The following HNF4G variants were observed in gnomAD, a reference collection of about 807,000 sequenced individuals.
The protein encoded by HNF4G is hepatocyte nuclear factor 4-gamma.
Under a neutral mutation model 50.9 loss-of-function variants are expected in HNF4G, and 21 were observed. The ratio of observed to expected loss-of-function variants is 0.41; its 90% CI spans 0.29 to 0.59. The LOEUF is 0.59. Among genes scored for constraint, HNF4G ranks in the 20% least tolerant of loss-of-function variants. The pLI, the probability that HNF4G is intolerant of heterozygous loss-of-function variation, is 0.26. For synonymous variants in HNF4G, 198 were observed against 185.6 expected, an observed-to-expected ratio of 1.07 and a Z score of -0.54; for missense variants, 527 against 559.4, an observed-to-expected ratio of 0.94 and a Z score of 0.58.
At chr8:75,435,557 A>G (rs1010549873) in intron 1 of HNF4G, among the ~76,000 whole-genome samples, 1 of 152,168 alleles carries the variant, frequency 6.6e-6, no homozygotes, top group Non-Finnish European at 1.5e-5. Context: ...GCAAGAGAAA[A>G]AGCAACAAGT....
chr8:75,469,342 G>T (rs1276384433), intron 1 of HNF4G, among the ~76,000 whole-genome samples: 1 of 152,112 alleles, frequency 6.6e-6, no homozygotes, highest in Non-Finnish European at 1.5e-5. Context: ...AGGGTGTGGA[G>T]GTATAATCCT....
At chr8:75,452,978 A>G (rs765177464) in intron 1 of HNF4G, among the ~76,000 whole-genome samples, 1 of 152,236 alleles carries the variant, frequency 6.6e-6, no homozygotes, top group Non-Finnish European at 1.5e-5. Flanking sequence ...ATTAATGAGG[A>G]AATGAATGAT....
At chr8:75,525,798 A>G (rs1444280438) in intron 2 of HNF4G, among the ~76,000 whole-genome samples, 2 of 152,206 alleles carry the variant, frequency 1.3e-5, no homozygotes, top group East Asian at 3.9e-4. Context: ...CATATTTCTA[A>G]ATAGTAATGG....
chr8:75,453,256 C>T (rs151222617), intron 1 of HNF4G, among the ~76,000 whole-genome samples: 7,655 of 152,202 alleles, frequency 0.05, 267 homozygotes, highest in Non-Finnish European at 0.072. Flanking sequence ...ACTTGGAGAA[C>T]TTTTCTGTCT....
chr8:75,529,699 C>G (rs1201644510), intron 2 of HNF4G, among the ~76,000 whole-genome samples: 1 of 152,058 alleles, frequency 6.6e-6, no homozygotes, highest in Non-Finnish European at 1.5e-5. Context: ...TGAGAGAGAA[C>G]TATGGGGAAG....
rs1810962960 is a variant in HNF4G at position 75,429,727 on chromosome 8, G to A, written c.-144+21565G>A. On this transcript the variant is annotated intron_variant, in intron 1 of 10. Transcript: ENST00000354370. ...GCAGAAAGGCCGATCAGGTCCAAAA[G>A]TCTGAGTTGAAGAAAGAAGGCTAGA... is the stretch of plus-strand genomic sequence containing the variant. Among the ~76,000 whole-genome samples the A allele has an allele frequency of 5.3e-5, 8 of 152,148 alleles. No homozygotes were observed. The South Asian group carries it at 1.7e-3, about 32-fold the overall frequency.
At chr8:75,416,618 A>G (rs1473682755) in intron 1 of HNF4G, among the ~76,000 whole-genome samples, 3 of 152,196 alleles carry the variant, frequency 2.0e-5, no homozygotes, top group Non-Finnish European at 4.4e-5. Context: ...CATACACATT[A>G]CTGTATGTTA....
intron 5 of HNF4G, among the ~76,000 whole-genome samples, chr8:75,555,674 C>T (rs898289804): frequency 6.6e-6 from 1 of 150,904 alleles, no homozygotes. Flanking sequence ...AGTGGCCGTG[C>T]TGGGATTTGA....
intron 1 of HNF4G, among the ~76,000 whole-genome samples, chr8:75,467,390 G>A (rs993941814): frequency 1.3e-5 from 2 of 152,264 alleles, no homozygotes; most frequent in South Asian, 2.1e-4. Context: ...GGCTGAGTGC[G>A]GTGGCTCATG....
At chr8:75,550,416 G>A (rs1806914772) in intron 3 of HNF4G, among the ~76,000 whole-genome samples, 1 of 151,996 alleles carries the variant, frequency 6.6e-6, no homozygotes, top group Non-Finnish European at 1.5e-5. Flanking sequence ...GGGTTCAAGT[G>A]ATTCTCCTGC....
chr8:75,549,163 ATG>A (rs1806873144), intron 3 of HNF4G, among the ~76,000 whole-genome samples: 1 of 152,224 alleles, frequency 6.6e-6, no homozygotes. Flanking sequence ...TCATAAAAGA[ATG>A]TGTTATTTTC....
At chr8:75,557,498 G>A (rs1183023472) in intron 6 of HNF4G, among the ~76,000 whole-genome samples, 2 of 152,160 alleles carry the variant, frequency 1.3e-5, no homozygotes, top group Non-Finnish European at 2.9e-5. Flanking sequence ...GCGGGAGCCT[G>A]TAATCCCAGC....
At chr8:75,511,919 A>G (rs1175995607) in intron 2 of HNF4G, among the ~76,000 whole-genome samples, 4 of 152,196 alleles carry the variant, frequency 2.6e-5, no homozygotes, top group African/African-American at 9.6e-5. Context: ...CTTCATGATT[A>G]CTAAGTACCC....
At chr8:75,498,309 T>C (rs2130699373) in intron 2 of HNF4G, among the ~76,000 whole-genome samples, 1 of 152,180 alleles carries the variant, frequency 6.6e-6, no homozygotes, top group East Asian at 1.9e-4. Flanking sequence ...ATAACTTAGA[T>C]GAAATGGACA....
chr8:75,407,738 GAAACAAAC>G (rs535181928), upstream of HNF4G, among the ~76,000 whole-genome samples: 4 of 152,062 alleles, frequency 2.6e-5, no homozygotes, highest in Non-Finnish European at 4.4e-5. Flanking sequence ...TCGGGAAAAA[GAAACAAAC>G]AAACAAACAA....
At chr8:75,521,544 T>C (rs1375448866) in intron 2 of HNF4G, among the ~76,000 whole-genome samples, 1 of 152,182 alleles carries the variant, frequency 6.6e-6, no homozygotes, top group African/African-American at 2.4e-5. Flanking sequence ...TACTACTCTT[T>C]TTAGGATTTG....
intron 1 of HNF4G, among the ~76,000 whole-genome samples, chr8:75,430,150 CAAAAAAAA>C (rs71271861): frequency 8.4e-6 from 1 of 118,986 alleles, no homozygotes; most frequent in African/African-American, 3.3e-5. Context: ...GATCTTGTTT[CAAAAAAAA>C]AAAAAAAATT....
At chr8:75,553,641 G>A (rs1260523070) in intron 5 of HNF4G, among the ~76,000 whole-genome samples, 2 of 151,940 alleles carry the variant, frequency 1.3e-5, no homozygotes, top group South Asian at 2.1e-4. Context: ...CACAGGTTGT[G>A]GTGTTGTCTT....
At chr8:75,563,176 A>G (rs1403912561) in intron 9 of HNF4G, among the ~76,000 whole-genome samples, 3 of 152,170 alleles carry the variant, frequency 2.0e-5, no homozygotes, top group African/African-American at 7.2e-5. Flanking sequence ...ATAATACAAT[A>G]ACAATAAGCG....
Sources: allele counts gnomAD v4.1 joint callset (sites outside exome capture counted in the v4.1 genomes callset), GRCh38; gene constraint gnomAD v4.1.1; transcripts MANE v1.5; gene names NCBI Gene and HGNC (gene_info 2026-07-23, HGNC 2026-07-21).